SLC44A5: variants seen among roughly 807,000 people sequenced by gnomAD.
SLC44A5 encodes the protein choline transporter-like protein 5.
SLC44A5 carries 57 observed loss-of-function variants against 101.8 expected under a neutral mutation model. The observed-to-expected ratio is 0.56, with a 90% CI of 0.45 to 0.70. The LOEUF (loss-of-function observed/expected upper bound fraction) is 0.70, where lower values mean the gene tolerates loss of function less well. Ranked by LOEUF, SLC44A5 falls within the 30% of genes least tolerant of loss-of-function variation. The pLI, the probability that SLC44A5 is intolerant of heterozygous loss-of-function variation, is 0.00. For missense variants in SLC44A5, 737 were observed against 853.1 expected (o/e 0.86, Z 1.70); for synonymous variants, 281 against 290.9 (o/e 0.97, Z 0.35).
the SLC44A5 span, among the ~76,000 whole-genome samples, chr1:75,704,735 A>T: frequency 6.6e-6 from 1 of 152,196 alleles, no homozygotes; most frequent in Non-Finnish European, 1.5e-5. Flanking sequence ...TATTATTTCT[A>T]TGTAGACAAT....
intron 1 of SLC44A5, among the ~76,000 whole-genome samples, chr1:75,563,726 A>T (rs747742755): frequency 1.3e-5 from 2 of 152,140 alleles, no homozygotes; most frequent in Non-Finnish European, 2.9e-5. Flanking sequence ...TATATTTATA[A>T]GACCGCATTA....
intron 3 of SLC44A5, among the ~76,000 whole-genome samples, chr1:75,389,444 T>G (rs1014020135): frequency 2.0e-5 from 3 of 152,128 alleles, no homozygotes; most frequent in Non-Finnish European, 2.9e-5. Context: ...CTCAATAAAT[T>G]TTAAAAAACT....
chr1:75,641,455 G>T, the SLC44A5 span: 1 of 1,367,480 alleles, frequency 7.3e-7, no homozygotes, highest in Non-Finnish European at 1.0e-6. Flanking sequence ...TCTTTCTAAA[G>T]AGTCTTTGAC....
chr1:75,387,219 T>A (rs1295147375), intron 3 of SLC44A5, among the ~76,000 whole-genome samples: 1 of 152,118 alleles, frequency 6.6e-6, no homozygotes, highest in African/African-American at 2.4e-5. Context: ...TGGGATCTAA[T>A]TAAACTAAAG....
the SLC44A5 span, among the ~76,000 whole-genome samples, chr1:75,661,733 G>A: frequency 2.6e-5 from 4 of 151,916 alleles, no homozygotes; most frequent in Non-Finnish European, 5.9e-5. Context: ...TGTTCAACAG[G>A]TATATTTTAA....
intron 14 of SLC44A5, 152 bp downstream of exon 14, chr1:75,222,209 G>C (rs1557541171): frequency 1.7e-6 from 1 of 592,518 alleles, no homozygotes; most frequent in Admixed American, 2.8e-5. Flanking sequence ...GCCTGCCTCG[G>C]CCTCCCAAAG....
intron 2 of SLC44A5, among the ~76,000 whole-genome samples, chr1:75,520,952 G>GT (rs71871232): frequency 3.3e-5 from 5 of 151,786 alleles, no homozygotes; most frequent in Non-Finnish European, 1.5e-5. Context: ...AAGGTCAAGG[G>GT]TTTTTTTTAA....
chr1:75,515,890 T>A (rs942037922), intron 2 of SLC44A5, among the ~76,000 whole-genome samples: 6 of 152,190 alleles, frequency 3.9e-5, no homozygotes, highest in African/African-American at 1.4e-4. Flanking sequence ...GGTTTTTTTT[T>A]TTCCCCATCC....
chr1:75,355,620 A>G (rs1240831204), intron 3 of SLC44A5, among the ~76,000 whole-genome samples: 1 of 152,206 alleles, frequency 6.6e-6, no homozygotes, highest in Non-Finnish European at 1.5e-5. Flanking sequence ...TCAATGATGA[A>G]TCACATACAT....
chr1:75,584,638 G>A (rs1199877483), intron 1 of SLC44A5, among the ~76,000 whole-genome samples: 1 of 152,106 alleles, frequency 6.6e-6, no homozygotes, highest in Non-Finnish European at 1.5e-5. Flanking sequence ...TGTCACCCAG[G>A]CTGGAGTGCA....
At chr1:75,660,362 C>A in the SLC44A5 span, among the ~76,000 whole-genome samples, 2 of 151,838 alleles carry the variant, frequency 1.3e-5, no homozygotes, top group African/African-American at 4.8e-5. Context: ...TATGACAAAC[C>A]CACAGCTAGC....
chr1:75,344,683 A>G lies in SLC44A5; in HGVS notation c.53-5053T>C, dbSNP rs560805163. The stretch of plus-strand genomic sequence containing the variant: ...AAGAGAGTCATTAGCCAAGGAATAC[A>G]GAAGCTTCTAGAACCTGGAAAAAGT... On this transcript the variant is annotated intron_variant, in intron 3 of 23. Transcript: ENST00000370859. Among the ~76,000 whole-genome samples, 2 of 152,302 alleles carry G rather than the reference A, an allele frequency of 1.3e-5. 1 individual carries two copies. Among genetic ancestry groups the G allele is most frequent in the South Asian group, 4.1e-4 (2 of 4,826 alleles).
At chr1:75,408,648 A>G (rs1033980201) in intron 2 of SLC44A5, among the ~76,000 whole-genome samples, 2 of 148,964 alleles carry the variant, frequency 1.3e-5, no homozygotes, top group African/African-American at 2.5e-5. Context: ...CATAAGTGGG[A>G]GTTGAACAGT....
At chr1:75,680,749 C>A in the SLC44A5 span, among the ~76,000 whole-genome samples, 2 of 151,662 alleles carry the variant, frequency 1.3e-5, no homozygotes, top group African/African-American at 2.4e-5. Flanking sequence ...GAAGGCAAGA[C>A]CTAACTAAAA....
intron 1 of SLC44A5, among the ~76,000 whole-genome samples, chr1:75,575,098 C>A (rs1338267710): frequency 6.6e-6 from 1 of 152,112 alleles, no homozygotes; most frequent in Non-Finnish European, 1.5e-5. Context: ...ACCCAAAAAT[C>A]ATTTTCTTTC....
At chr1:75,662,610 T>G in the SLC44A5 span, among the ~76,000 whole-genome samples, 2 of 152,136 alleles carry the variant, frequency 1.3e-5, no homozygotes, top group African/African-American at 2.4e-5. Flanking sequence ...TATCAAAATA[T>G]CACATGGTCC....
At chr1:75,286,090 A>G (rs1570576783) in intron 5 of SLC44A5, among the ~76,000 whole-genome samples, 1 of 151,962 alleles carries the variant, frequency 6.6e-6, no homozygotes, top group Non-Finnish European at 1.5e-5. Flanking sequence ...CACTATTATT[A>G]TGTTGCCATC....
At chr1:75,532,105 C>G (rs1329782590) in intron 2 of SLC44A5, among the ~76,000 whole-genome samples, 5 of 152,148 alleles carry the variant, frequency 3.3e-5, no homozygotes, top group Admixed American at 3.3e-4. Flanking sequence ...GTCTAGAAAT[C>G]TGAGTTTTAA....
At chr1:75,458,315 T>A (rs561873086) in intron 2 of SLC44A5, among the ~76,000 whole-genome samples, 98 of 152,314 alleles carry the variant, frequency 6.4e-4, no homozygotes, top group African/African-American at 2.3e-3. Context: ...GGTTTGGTCA[T>A]GAGACTAAAG....
Sources: gnomAD v4.1 joint callset for allele counts (sites outside exome capture counted in the v4.1 genomes callset) on GRCh38, gnomAD v4.1.1 for gene constraint, MANE v1.5 for transcripts, NCBI Gene and HGNC (gene_info 2026-07-23, HGNC 2026-07-21) for gene names.